Variants in NRXN3 observed in about 807,000 individuals in gnomAD.
NRXN3 encodes neurexin III.
A neutral mutation model predicts 137.6 loss-of-function variants in NRXN3; 32 were observed. That is an observed-to-expected ratio of 0.23 (90% CI 0.18 to 0.31). The LOEUF is 0.31. Ranked by LOEUF, NRXN3 falls within the 10% of genes least tolerant of loss-of-function variation. The pLI is 1.00. For synonymous variants in NRXN3, 798 were observed against 784.5 expected (o/e 1.02, Z -0.29); for missense variants, 1,574 against 2,062.5 (o/e 0.76, Z 4.59).
chr14:79,206,440 G>A (rs760559589), intron 15 of NRXN3, among the ~76,000 whole-genome samples: 2 of 152,176 alleles, frequency 1.3e-5, no homozygotes, highest in African/African-American at 4.8e-5. Flanking sequence ...CTGTGTGTCA[G>A]TGACAAGGGT....
intron 15 of NRXN3, among the ~76,000 whole-genome samples, chr14:79,234,671 G>T (rs546952624): frequency 6.6e-6 from 1 of 151,744 alleles, no homozygotes; most frequent in Non-Finnish European, 1.5e-5. Context: ...TGTAAGCCAG[G>T]GTAGCTTTTT....
At chr14:79,453,086 G>A (rs2096203068) in intron 15 of NRXN3, among the ~76,000 whole-genome samples, 1 of 152,078 alleles carries the variant, frequency 6.6e-6, no homozygotes, top group Non-Finnish European at 1.5e-5. Flanking sequence ...TTTAAGAAGA[G>A]CAAACCCATT....
chr14:78,446,633 A>G (rs942164940), intron 4 of NRXN3, among the ~76,000 whole-genome samples: 28 of 152,214 alleles, frequency 1.8e-4, no homozygotes, highest in African/African-American at 5.5e-4. Flanking sequence ...ATATTCTGCA[A>G]TGTAAAAGGA....
chr14:78,807,174 T>A (rs191427820), intron 9 of NRXN3, among the ~76,000 whole-genome samples: 19 of 152,276 alleles, frequency 1.2e-4, no homozygotes, highest in Middle Eastern at 6.8e-3. Context: ...CAGTGCCCAG[T>A]TTGAATTGAG....
At chr14:79,836,294 C>A (rs1382371364) in intron 20 of NRXN3, among the ~76,000 whole-genome samples, 2 of 152,110 alleles carry the variant, frequency 1.3e-5, no homozygotes, top group Non-Finnish European at 2.9e-5. Context: ...AGTTAACTTT[C>A]TTACAACCAT....
chr14:78,284,924 A>T (rs779607886), intron 3 of NRXN3, among the ~76,000 whole-genome samples: 6 of 152,224 alleles, frequency 3.9e-5, no homozygotes, highest in Non-Finnish European at 7.3e-5. Flanking sequence ...AAGAACCTTG[A>T]GCTCCAAGAC....
At chr14:78,475,756 C>T (rs1042783682) in intron 4 of NRXN3, among the ~76,000 whole-genome samples, 1 of 152,108 alleles carries the variant, frequency 6.6e-6, no homozygotes, top group Admixed American at 6.5e-5. Context: ...AAGAAGAGGA[C>T]ATTTGATGGC....
intron 3 of NRXN3, among the ~76,000 whole-genome samples, chr14:78,286,205 G>A (rs1281905570): frequency 4.6e-5 from 7 of 152,216 alleles, no homozygotes; most frequent in Non-Finnish European, 7.3e-5. Flanking sequence ...TGCCAAATGG[G>A]CGGAGGTGTT....
At chr14:79,332,775 T>C (rs1322812764) in intron 15 of NRXN3, among the ~76,000 whole-genome samples, 1 of 152,236 alleles carries the variant, frequency 6.6e-6, no homozygotes, top group East Asian at 1.9e-4. Context: ...TAGTTCCATA[T>C]TCACAGCGTT....
intron 4 of NRXN3, among the ~76,000 whole-genome samples, chr14:78,542,712 CCAGTAAGATG>C (rs988756721): frequency 1.2e-4 from 19 of 152,298 alleles, no homozygotes; most frequent in African/African-American, 4.6e-4. Flanking sequence ...CTAACCAGTC[CCAGTAAGATG>C]AACCAGGTAC....
chr14:79,255,431 A>G (rs997659736), intron 15 of NRXN3, among the ~76,000 whole-genome samples: 2 of 152,360 alleles, frequency 1.3e-5, no homozygotes, highest in African/African-American at 4.8e-5. Context: ...TATGACAACC[A>G]GAGCCAGAGA....
At chr14:78,170,980 C>G (rs1203269934) in intron 1 of NRXN3, among the ~76,000 whole-genome samples, 1 of 91,678 alleles carries the variant, frequency 1.1e-5, no homozygotes, top group African/African-American at 4.5e-5. Flanking sequence ...TTGAGTCTTT[C>G]TCCTATTTGC....
At chr14:78,314,136 G>A (rs968789720) in intron 4 of NRXN3, among the ~76,000 whole-genome samples, 1 of 152,184 alleles carries the variant, frequency 6.6e-6, no homozygotes, top group Admixed American at 6.5e-5. Context: ...CTGGGTGCAA[G>A]TAGTTTGTTT....
intron 4 of NRXN3, among the ~76,000 whole-genome samples, chr14:78,347,070 T>C (rs1356820450): frequency 6.6e-6 from 1 of 152,200 alleles, no homozygotes; most frequent in African/African-American, 2.4e-5. Context: ...AGTGGAAAAC[T>C]GTTTTATTAA....
chr14:78,729,112 G>A (rs893779145), intron 8 of NRXN3, among the ~76,000 whole-genome samples: 5 of 152,208 alleles, frequency 3.3e-5, no homozygotes, highest in African/African-American at 9.7e-5. Flanking sequence ...TTCAGTACAT[G>A]GAGGAGTATT....
At chr14:79,555,617 T>C (rs2097421725) in intron 16 of NRXN3, among the ~76,000 whole-genome samples, 1 of 152,100 alleles carries the variant, frequency 6.6e-6, no homozygotes, top group Non-Finnish European at 1.5e-5. Flanking sequence ...AAATGACTTC[T>C]CAGAGATGGT....
intron 15 of NRXN3, among the ~76,000 whole-genome samples, chr14:79,267,754 G>A (rs990066366): frequency 2.0e-5 from 3 of 152,114 alleles, no homozygotes; most frequent in African/African-American, 4.8e-5. Flanking sequence ...AAACTGCTGG[G>A]TGAGCTACCA....
At chr14:79,817,353 T>C (rs2099254968) in intron 20 of NRXN3, among the ~76,000 whole-genome samples, 1 of 152,246 alleles carries the variant, frequency 6.6e-6, no homozygotes, top group Admixed American at 6.5e-5. Context: ...GTTCCGGGCC[T>C]CCCTATATAG....
intron 1 of NRXN3, among the ~76,000 whole-genome samples, chr14:78,233,354 G>T (rs369886281): frequency 6.6e-6 from 1 of 152,034 alleles, no homozygotes; most frequent in African/African-American, 2.4e-5. Context: ...TTTCTCTTCC[G>T]CAGTTGCTTA....
Sources: allele counts gnomAD v4.1 joint callset (sites outside exome capture counted in the v4.1 genomes callset), GRCh38; gene constraint gnomAD v4.1.1; transcripts MANE v1.5; gene names NCBI Gene and HGNC (gene_info 2026-07-23, HGNC 2026-07-21).